Variants in MMP26 observed in about 807,000 individuals in gnomAD.
MMP26 encodes the protein matrix metallopeptidase 26.
In MMP26, 33 loss-of-function variants were observed where a neutral mutation model predicts 31.0. The ratio of observed to expected loss-of-function variants is 1.06; its 90% CI spans 0.81 to 1.42. The LOEUF (loss-of-function observed/expected upper bound fraction) is 1.42. MMP26 is among the 40% of genes most tolerant of loss of function. MMP26 has a pLI of 0.00. For missense variants in MMP26, 347 were observed against 316.1 expected (o/e 1.10, Z -0.74); for synonymous variants, 122 against 114.9 (o/e 1.06, Z -0.40).
At chr11:4,869,486 A>G (rs568338933) in intron 2 of MMP26, among the ~76,000 whole-genome samples, 2 of 152,352 alleles carry the variant, frequency 1.3e-5, no homozygotes, top group East Asian at 1.9e-4. Context: ...ATCACTGGCC[A>G]TCAGAGAAAT....
rs191666069 is a variant in MMP26 at position 4,991,390 on chromosome 11, C to A, written c.489C>A (p.Pro163=). 8.1e-6 allele frequency: 13 copies of A among 1,613,458 alleles called. No individual in the cohort carries two copies. In the Admixed American group the frequency reaches 1.7e-4, roughly 21 times the overall value. The change falls in exon 6 of 8, where the codon CCC becomes CCA. Residue 163 remains proline, a synonymous_variant. Transcript: ENST00000380390. ...CCACAGCCCATGAAGATGGTTGGCCCTTTGATGGGCCAGGTGGTATCTTAG... is the reference window on the plus strand; with the variant it reads ...CCACAGCCCATGAAGATGGTTGGCCATTTGATGGGCCAGGTGGTATCTTAG... ...FWQWAHEDGW[P]FDGPGGILGH...
At chr11:4,788,608 G>A (rs1848980217) in intron 2 of MMP26, among the ~76,000 whole-genome samples, 1 of 152,006 alleles carries the variant, frequency 6.6e-6, no homozygotes, top group African/African-American at 2.4e-5. Context: ...ATTTGATACA[G>A]TCAACTACAG....
chr11:4,893,934 T>C (rs1042223459), intron 2 of MMP26, among the ~76,000 whole-genome samples: 10 of 150,586 alleles, frequency 6.6e-5, no homozygotes, highest in Non-Finnish European at 1.3e-4. Flanking sequence ...ACCTTGTCTC[T>C]ACAAAAATAA....
rs187186250 is a variant in MMP26, at chr11:4,812,761, C to T, written c.-145+45420C>T. On this transcript the variant is annotated intron_variant, in intron 2 of 7. Coordinates refer to ENST00000380390, the MANE Select transcript of MMP26 (RefSeq NM_021801.5). ...TTTCTAGTTTCCTCTTAACATGGACCTGTGAAGACAGGCTGTTAATTTACA... is the reference window on the plus strand; with the variant it reads ...TTTCTAGTTTCCTCTTAACATGGACTTGTGAAGACAGGCTGTTAATTTACA... Among the ~76,000 whole-genome samples the T allele has an allele frequency of 6.0e-3, 919 of 152,150 alleles. 5 individuals carry two copies. The highest frequency in any genetic ancestry group is 9.7e-3 in the Non-Finnish European group (663 of 68,006).
intron 1 of MMP26, among the ~76,000 whole-genome samples, chr11:4,739,403 G>T (rs1848283442): frequency 6.6e-6 from 1 of 152,002 alleles, no homozygotes; most frequent in African/African-American, 2.4e-5. Context: ...GGGACTCTTA[G>T]GTACTGGAAA....
chr11:4,847,258 C>A (rs746888146), intron 2 of MMP26, among the ~76,000 whole-genome samples: 1 of 152,258 alleles, frequency 6.6e-6, no homozygotes, highest in African/African-American at 2.4e-5. Context: ...CCACTTTGTC[C>A]CTCCTGATGT....
intron 2 of MMP26, among the ~76,000 whole-genome samples, chr11:4,874,097 G>A (rs1950463438): frequency 6.6e-6 from 1 of 151,990 alleles, no homozygotes; most frequent in African/African-American, 2.4e-5. Flanking sequence ...AGCTCCAATT[G>A]TTGAAGTTTC....
At chr11:4,784,288 G>A (rs915391502) in intron 2 of MMP26, among the ~76,000 whole-genome samples, 2 of 152,200 alleles carry the variant, frequency 1.3e-5, no homozygotes, top group African/African-American at 4.8e-5. Context: ...GGTTTCCAAG[G>A]TGAGTGTTCC....
intron 1 of MMP26, among the ~76,000 whole-genome samples, chr11:4,755,139 G>A (rs1416010763): frequency 2.0e-5 from 3 of 151,852 alleles, no homozygotes; most frequent in African/African-American, 7.3e-5. Flanking sequence ...TTTTTTCTAA[G>A]ATGTAAAGTA....
Position 4,848,816 on chromosome 11 carries a change from T to C in MMP26, c.-145+81475T>C, listed in dbSNP as rs776012481. 2.5e-6 allele frequency: 4 copies of C among 1,613,998 alleles called. No homozygotes were observed. In the South Asian group the frequency reaches 3.3e-5, roughly 13 times the overall value. On this transcript the variant is annotated intron_variant, in intron 2 of 7. Transcript: ENST00000380390. Reference sequence around the variant, plus strand: ...AGTGGAGAGGTCGGCAGATGGCCAGTGCCCGATCAATGGACATGGCGAGCA... The same window carrying C: ...AGTGGAGAGGTCGGCAGATGGCCAGCGCCCGATCAATGGACATGGCGAGCA...
intron 2 of MMP26, among the ~76,000 whole-genome samples, chr11:4,785,845 G>T (rs371717973): frequency 1.3e-5 from 2 of 152,134 alleles, no homozygotes; most frequent in Non-Finnish European, 2.9e-5. Context: ...CTATGTTTTA[G>T]TATCCTCTAC....
At chr11:4,962,280 A>G (rs1846531748) in intron 2 of MMP26, among the ~76,000 whole-genome samples, 1 of 152,176 alleles carries the variant, frequency 6.6e-6, no homozygotes, top group Admixed American at 6.5e-5. Context: ...CCTAGTCTCA[A>G]TTTGGAGACC....
At chr11:4,797,939 C>A (rs1047813410) in intron 2 of MMP26, among the ~76,000 whole-genome samples, 2 of 152,146 alleles carry the variant, frequency 1.3e-5, no homozygotes, top group Non-Finnish European at 2.9e-5. Flanking sequence ...CAGAAGTAAT[C>A]CAAAAGGTGC....
chr11:4,892,735 A>G (rs1392852739), intron 2 of MMP26, among the ~76,000 whole-genome samples: 4 of 152,088 alleles, frequency 2.6e-5, no homozygotes, highest in Non-Finnish European at 5.9e-5. Flanking sequence ...ATGTTCTCTG[A>G]TTTGAGGATA....
chr11:4,730,784 T>C (rs1848163718), intron 1 of MMP26, among the ~76,000 whole-genome samples: 1 of 152,148 alleles, frequency 6.6e-6, no homozygotes, highest in Non-Finnish European at 1.5e-5. Flanking sequence ...GGATAGCTGG[T>C]AGACCCTACA....
chr11:4,758,175 G>A (rs1848528203), intron 1 of MMP26, among the ~76,000 whole-genome samples: 2 of 151,930 alleles, frequency 1.3e-5, no homozygotes, highest in Non-Finnish European at 2.9e-5. Flanking sequence ...TCAGCAAAAA[G>A]GAAAAAATTG....
chr11:4,762,959 A>T (rs1456219118), intron 1 of MMP26, among the ~76,000 whole-genome samples: 1 of 152,240 alleles, frequency 6.6e-6, no homozygotes. Context: ...AGAAAAGTAC[A>T]CAGGATTGGG....
chr11:4,953,286 T>A (rs1846392441), intron 2 of MMP26, among the ~76,000 whole-genome samples: 2 of 125,352 alleles, frequency 1.6e-5, no homozygotes, highest in South Asian at 4.8e-4. Flanking sequence ...AATCATTCAT[T>A]AGCATTTATT....
chr11:4,966,278 G>A (rs1846593616), intron 2 of MMP26, among the ~76,000 whole-genome samples: 2 of 152,120 alleles, frequency 1.3e-5, no homozygotes, highest in Admixed American at 6.5e-5. Context: ...GGCAGGAGGA[G>A]TTGGTGGGTA....
Sources: allele counts gnomAD v4.1 joint callset (sites outside exome capture counted in the v4.1 genomes callset), GRCh38; gene constraint gnomAD v4.1.1; transcripts MANE v1.5; gene names NCBI Gene and HGNC (gene_info 2026-07-23, HGNC 2026-07-21).